SEC11A: variants seen among roughly 807,000 people sequenced by gnomAD.
The protein encoded by SEC11A is SEC11 homolog A, signal peptidase complex subunit.
SEC11A carries 14 observed loss-of-function variants against 25.6 expected under a neutral mutation model. The ratio of observed to expected loss-of-function variants is 0.55; its 90% CI spans 0.36 to 0.85. The LOEUF is 0.85. SEC11A is among the 40% of genes least tolerant of loss of function. The probability of loss-of-function intolerance (pLI) is 0.01; values close to 1 mark genes in which losing one functional copy is unlikely to be tolerated. For synonymous variants in SEC11A, 83 were observed against 76.4 expected (o/e 1.09, Z -0.45); for missense variants, 153 against 222.9 (o/e 0.69, Z 2.00).
intron 2 of SEC11A, among the ~76,000 whole-genome samples, chr15:84,689,363 C>A (rs1474294377): frequency 6.6e-6 from 1 of 152,104 alleles, no homozygotes; most frequent in African/African-American, 2.4e-5. Flanking sequence ...GCAAATTGAT[C>A]AAGTTGTATA....
At chr15:84,710,384 A>C (rs538028779) in intron 1 of SEC11A, among the ~76,000 whole-genome samples, 1 of 152,300 alleles carries the variant, frequency 6.6e-6, no homozygotes, top group East Asian at 1.9e-4. Flanking sequence ...CTGTAATCCC[A>C]ACACTTTGGG....
chr15:84,696,006 G>A (rs1424133133), intron 1 of SEC11A, among the ~76,000 whole-genome samples: 4 of 152,192 alleles, frequency 2.6e-5, no homozygotes, highest in East Asian at 3.9e-4. Flanking sequence ...TATTCTTCTA[G>A]CATTCCAATG....
chr15:84,689,262 C>CA (rs1897527387), intron 2 of SEC11A, among the ~76,000 whole-genome samples: 1 of 151,428 alleles, frequency 6.6e-6, no homozygotes, highest in South Asian at 2.1e-4. Context: ...GTTCTTATCA[C>CA]AAAAAAATAG....
chr15:84,692,877 ACT>A (rs1220324690), intron 1 of SEC11A, among the ~76,000 whole-genome samples: 11 of 152,136 alleles, frequency 7.2e-5, no homozygotes, highest in Non-Finnish European at 1.5e-4. Context: ...AAAAGGTCTT[ACT>A]CTGTTGCCCA....
intron 4 of SEC11A, among the ~76,000 whole-genome samples, chr15:84,674,169 C>T (rs146191063): frequency 6.6e-6 from 1 of 151,638 alleles, no homozygotes; most frequent in East Asian, 1.9e-4. Context: ...AAGAATGGCA[C>T]GGCTAAGCTC....
At chr15:84,715,924 C>T in intron 1 of SEC11A, 101 bp downstream of exon 1, 2 of 1,118,390 alleles carry the variant, frequency 1.8e-6, no homozygotes, top group Non-Finnish European at 2.7e-6. Context: ...ATCAGACCAG[C>T]TCAGACCCTC....
intron 4 of SEC11A, among the ~76,000 whole-genome samples, chr15:84,674,437 C>T (rs2141869410): frequency 6.6e-6 from 1 of 152,214 alleles, no homozygotes; most frequent in Admixed American, 6.5e-5. Context: ...GATCAATAAG[C>T]AGCCATTCTA....
At chr15:84,697,239 G>A (rs1409710559) in intron 1 of SEC11A, among the ~76,000 whole-genome samples, 1 of 152,214 alleles carries the variant, frequency 6.6e-6, no homozygotes, top group East Asian at 1.9e-4. Context: ...TCTAGCATGG[G>A]TAACAGTGTG....
At chr15:84,678,830 T>C (rs986913075) in intron 4 of SEC11A, among the ~76,000 whole-genome samples, 1 of 151,910 alleles carries the variant, frequency 6.6e-6, no homozygotes, top group Non-Finnish European at 1.5e-5. Flanking sequence ...CCATCTCTAC[T>C]AAAAATACAA....
rs138492726 is a variant in SEC11A, at chr15:84,691,963, T to G, written c.52-319A>C. 2.9e-4 allele frequency: 53 copies of G among 180,944 alleles called. 1 individual carries two copies. The East Asian group carries it at 6.9e-3, about 24-fold the overall frequency. 11.2% of individuals were successfully genotyped at this position (180,944 alleles called of 1,614,324 possible). ...TTCAGCTTAAATTTATCACTCATGC[T>G]ACTTACCAGCCAAGAGTAATCTGTC... On this transcript the variant is annotated intron_variant, in intron 1 of 5. Coordinates refer to ENST00000268220, the MANE Select transcript of SEC11A (RefSeq NM_014300.4).
In SEC11A at chr15:84,687,723, A is replaced by G. The variant is rs746212009; in HGVS notation, c.213T>C (p.Asn71=). 121 of 1,603,420 alleles carry G rather than the reference A, an allele frequency of 7.5e-5. No individual in the cohort carries two copies. The highest frequency in any genetic ancestry group is 1.0e-4 in the Non-Finnish European group (120 of 1,177,418). Residue 71 remains asparagine (N), a synonymous_variant, in exon 3 of 6, where the codon AAT becomes AAC. Transcript: ENST00000268220. ...FHRGDLLFLT[N]RVEDPIRVGE... Reference sequence around the variant, plus strand: ...CCACTCGTATGGGATCTTCAACTCGATTTGTTAGAAAGAGAAGATCTCCTC... The same window carrying G: ...CCACTCGTATGGGATCTTCAACTCGGTTTGTTAGAAAGAGAAGATCTCCTC...
At chr15:84,673,985 G>A (rs59078443) in intron 4 of SEC11A, among the ~76,000 whole-genome samples, 9,398 of 152,040 alleles carry the variant, frequency 0.062, 376 homozygotes, top group African/African-American at 0.086. Flanking sequence ...CTAAGCCAGG[G>A]AATTTCTGAA....
chr15:84,672,815 TGAG>T (rs1360951843), intron 4 of SEC11A: 1 of 210,468 alleles, frequency 4.8e-6, no homozygotes, highest in Non-Finnish European at 9.7e-6. Context: ...ATCTAGGAAA[TGAG>T]GAGCGTCTCT....
intron 1 of SEC11A, among the ~76,000 whole-genome samples, chr15:84,709,275 C>A (rs760328340): frequency 1.5e-4 from 23 of 151,946 alleles, no homozygotes; most frequent in African/African-American, 5.3e-4. Context: ...AAGCAATCAT[C>A]CTGCCTCAGC....
chr15:84,709,624 G>A (rs1898201534), intron 1 of SEC11A, among the ~76,000 whole-genome samples: 1 of 151,856 alleles, frequency 6.6e-6, no homozygotes, highest in Non-Finnish European at 1.5e-5. Context: ...TTTATTTTTA[G>A]TAGAGACGGG....
intron 1 of SEC11A, among the ~76,000 whole-genome samples, chr15:84,713,503 C>T (rs1898353804): frequency 1.3e-5 from 2 of 152,126 alleles, no homozygotes; most frequent in South Asian, 4.1e-4. Flanking sequence ...TCTCCCTCAC[C>T]CCATGTTATC....
rs1808652996 is a variant in SEC11A, at chr15:84,670,063, C to G, written c.496G>C (p.Val166Leu). 1 of 1,613,130 alleles carries G rather than the reference C, an allele frequency of 6.2e-7. No homozygotes were observed. Among genetic ancestry groups the G allele is most frequent in the Non-Finnish European group, 8.5e-7 (1 of 1,179,540 alleles). ...ACGAATAAACCCAGCAAAAAGAGAACTGCATACTAGAAAATAAACACAGAA... is the reference window on the plus strand; with the variant it reads ...ACGAATAAACCCAGCAAAAAGAGAAGTGCATACTAGAAAATAAACACAGAA... ...MNDYPKFKYA[V>L]LFLLGLFVLV... Residue 166 changes from valine to leucine, a missense_variant, in exon 6 of 6, where the codon GTT becomes CTT. Transcript: ENST00000268220.
chr15:84,678,808 C>T (rs1897207635), intron 4 of SEC11A, among the ~76,000 whole-genome samples: 2 of 152,028 alleles, frequency 1.3e-5, no homozygotes. Context: ...GCCTGGGCAA[C>T]ATATCGAGAC....
At chr15:84,704,834 T>G (rs1238530188) in intron 1 of SEC11A, among the ~76,000 whole-genome samples, 1 of 152,074 alleles carries the variant, frequency 6.6e-6, no homozygotes. Flanking sequence ...GGGTTTGGGG[T>G]AAGGTGCTTT....
Sources: gnomAD v4.1 joint callset for allele counts (sites outside exome capture counted in the v4.1 genomes callset) on GRCh38, gnomAD v4.1.1 for gene constraint, MANE v1.5 for transcripts, NCBI Gene and HGNC (gene_info 2026-07-23, HGNC 2026-07-21) for gene names.